Variants in RFX6 observed in about 807,000 individuals in gnomAD.
RFX6 encodes DNA-binding protein RFX6.
Under a neutral mutation model 110.8 loss-of-function variants are expected in RFX6, and 50 were observed. The observed-to-expected ratio is 0.45, with a 90% CI of 0.36 to 0.57. RFX6 has a LOEUF of 0.57. RFX6 is among the 20% of genes least tolerant of loss of function. The pLI, the probability that RFX6 is intolerant of heterozygous loss-of-function variation, is 0.00. For synonymous variants in RFX6, 383 were observed against 411.2 expected, an observed-to-expected ratio of 0.93 and a Z score of 0.83; for missense variants, 990 against 1,127.0, an observed-to-expected ratio of 0.88 and a Z score of 1.74.
chr6:116,904,007 GTC>G (rs1275674066), intron 6 of RFX6, among the ~76,000 whole-genome samples: 1 of 151,936 alleles, frequency 6.6e-6, no homozygotes, highest in Non-Finnish European at 1.5e-5. Flanking sequence ...ATCAACTTCT[GTC>G]TCTCCAGCTG....
chr6:116,877,604 A>G, intron 1 of RFX6, 106 bp downstream of exon 1: 2 of 1,086,762 alleles, frequency 1.8e-6, no homozygotes, highest in African/African-American at 1.6e-5. Flanking sequence ...GCAGATATAG[A>G]ATGTTCTGTC....
At chr6:116,898,474 C>G (rs900063642) in intron 6 of RFX6, among the ~76,000 whole-genome samples, 19 of 152,048 alleles carry the variant, frequency 1.2e-4, no homozygotes, top group African/African-American at 3.9e-4. Context: ...GGACTACAGG[C>G]ACACACCACC....
chr6:116,882,555 C>T, intron 4 of RFX6, 127 bp downstream of exon 4: 2 of 615,994 alleles, frequency 3.2e-6, no homozygotes, highest in Non-Finnish European at 5.8e-6. Context: ...AGACTTTTAT[C>T]AACTGTGAGA....
chr6:116,931,558 CA>C lies in RFX6; in HGVS notation c.*55del, dbSNP rs1775886488. 7.9e-7 allele frequency: 1 copy of C among 1,267,930 alleles called. No individual in the cohort carries two copies. Among genetic ancestry groups the C allele is most frequent in the Non-Finnish European group, 1.1e-6 (1 of 882,710 alleles). The allele number at this position is 1,267,930 out of a possible 1,614,324, so 78.5% of individuals were successfully genotyped here. ...AACTTTAAAAAAAATCTCTACTGTG[CA>C]AATATCATTATTCACTCAGACTTCC... On this transcript the variant is annotated 3_prime_UTR_variant, in exon 19 of 19. Coordinates refer to ENST00000332958, the MANE Select transcript of RFX6 (RefSeq NM_173560.4).
At chr6:116,892,821 A>AT (rs1774860708) in intron 4 of RFX6, among the ~76,000 whole-genome samples, 2 of 152,136 alleles carry the variant, frequency 1.3e-5, no homozygotes, top group Admixed American at 1.3e-4. Context: ...GTAGGCTTCC[A>AT]TTTGTACTCC....
At chr6:116,877,642 G>A (rs983919767) in intron 1 of RFX6, 144 bp downstream of exon 1, 20 of 1,046,196 alleles carry the variant, frequency 1.9e-5, no homozygotes, top group Non-Finnish European at 2.7e-5. Context: ...TCAGTAAAAT[G>A]TCAAGTAGAG....
chr6:116,884,191 T>A (rs1774651285), intron 4 of RFX6, among the ~76,000 whole-genome samples: 1 of 152,184 alleles, frequency 6.6e-6, no homozygotes, highest in South Asian at 2.1e-4. Flanking sequence ...TTGAACTTCT[T>A]CCTTTAGATC....
intron 4 of RFX6, among the ~76,000 whole-genome samples, chr6:116,888,977 T>C (rs1774759809): frequency 6.6e-6 from 1 of 152,130 alleles, no homozygotes; most frequent in Admixed American, 6.6e-5. Context: ...ATCACTCAGA[T>C]GACAACATGT....
chr6:116,931,481 T>C lies in RFX6; in HGVS notation c.2762T>C (p.Met921Thr). The C allele has an allele frequency of 1.9e-6, 3 of 1,613,556 alleles. No individual in the cohort carries two copies. Among genetic ancestry groups the C allele is most frequent in the Non-Finnish European group, 2.5e-6 (3 of 1,179,604 alleles). ...TTACCACCTATCAACACTGTGTTCA[T>C]GGGAACAGCAGCTGGAGGCACTTAA... ...SSLPPINTVF[M>T]GTAAGGT The change falls in exon 19 of 19, where the codon ATG becomes ACG. Residue 921 changes from methionine to threonine, a missense_variant. Physicochemically the swap from Met to Thr is moderately conservative, Grantham distance 81. Transcript: ENST00000332958.
At chr6:116,893,885 T>G in intron 4 of RFX6, 102 bp from the exon 5 acceptor site, 1 of 778,534 alleles carries the variant, frequency 1.3e-6, no homozygotes, top group Non-Finnish European at 2.4e-6. Flanking sequence ...TCATCAGGGT[T>G]TGCAGTTCTT....
chr6:116,900,986 A>G (rs954859544), intron 6 of RFX6, among the ~76,000 whole-genome samples: 1 of 152,030 alleles, frequency 6.6e-6, no homozygotes, highest in Non-Finnish European at 1.5e-5. Flanking sequence ...AGGGATGCGC[A>G]TTCAGTAGAA....
At chr6:116,882,772 T>C (rs1053131126) in intron 4 of RFX6, among the ~76,000 whole-genome samples, 1 of 152,100 alleles carries the variant, frequency 6.6e-6, no homozygotes, top group Non-Finnish European at 1.5e-5. Flanking sequence ...GAGCTTTGAG[T>C]AGGAAGGAAG....
chr6:116,904,244 G>C (rs918039153), intron 6 of RFX6, among the ~76,000 whole-genome samples: 9 of 151,904 alleles, frequency 5.9e-5, no homozygotes, highest in Admixed American at 2.6e-4. Context: ...TTAATCTTAA[G>C]AGTTCTTTAT....
intron 4 of RFX6, among the ~76,000 whole-genome samples, chr6:116,888,730 A>G (rs1774754830): frequency 6.6e-6 from 1 of 152,150 alleles, no homozygotes; most frequent in Admixed American, 6.6e-5. Context: ...TTTAACATAC[A>G]CCAGCATATC....
At chr6:116,885,952 T>C (rs909533110) in intron 4 of RFX6, among the ~76,000 whole-genome samples, 1 of 152,118 alleles carries the variant, frequency 6.6e-6, no homozygotes, top group Non-Finnish European at 1.5e-5. Flanking sequence ...ATGGCTATTA[T>C]TTCATAAACT....
chr6:116,882,905 A>G (rs1774621146), intron 4 of RFX6, among the ~76,000 whole-genome samples: 1 of 152,120 alleles, frequency 6.6e-6, no homozygotes, highest in African/African-American at 2.4e-5. Context: ...TCATCTCTTA[A>G]GGTAAATATA....
chr6:116,883,790 C>A (rs1582509715), intron 4 of RFX6, among the ~76,000 whole-genome samples: 1 of 152,172 alleles, frequency 6.6e-6, no homozygotes, highest in East Asian at 1.9e-4. Flanking sequence ...TTGAATATGA[C>A]TCTCCTCATT....
Position 116,931,681 on chromosome 6 carries a change from C to G in RFX6, c.*175C>G, listed in dbSNP as rs1201275495. 2 of 591,240 alleles carry G rather than the reference C, an allele frequency of 3.4e-6. No individual in the cohort carries two copies. Among genetic ancestry groups the G allele is most frequent in the African/African-American group, 3.7e-5 (2 of 53,668 alleles). 36.6% of individuals were successfully genotyped at this position (591,240 alleles called of 1,614,324 possible). A position where few individuals can be genotyped will look rare whatever the true frequency, so the allele number is the denominator to read the frequency against. On this transcript the variant is annotated 3_prime_UTR_variant, in exon 19 of 19. Transcript: ENST00000332958. The stretch of plus-strand genomic sequence containing the variant: ...ATAGTGAATGGAGATACTTGCAGAG[C>G]TTGTCATGCACACTAAGAGTTTAAA...
intron 2 of RFX6, 108 bp downstream of exon 2, chr6:116,878,060 A>AAG: frequency 8.4e-7 from 1 of 1,190,732 alleles, no homozygotes; most frequent in Non-Finnish European, 1.2e-6. Flanking sequence ...ACTTTTTGGG[A>AAG]AAGTTTAAAA....
Sources: allele counts gnomAD v4.1 joint callset (sites outside exome capture counted in the v4.1 genomes callset), GRCh38; gene constraint gnomAD v4.1.1; transcripts MANE v1.5; gene names NCBI Gene and HGNC (gene_info 2026-07-23, HGNC 2026-07-21).